Variants in CDYL2 observed in about 807,000 individuals in gnomAD.
CDYL2 encodes chromodomain Y like 2.
CDYL2 carries 23 observed loss-of-function variants against 49.4 expected under a neutral mutation model. That is an observed-to-expected ratio of 0.47 (90% CI 0.34 to 0.66). The LOEUF is 0.66. Ranked by LOEUF, CDYL2 falls within the 30% of genes least tolerant of loss-of-function variation. The probability of loss-of-function intolerance (pLI) is 0.01; values close to 1 mark genes in which losing one functional copy is unlikely to be tolerated. For synonymous variants in CDYL2, 360 were observed against 268.8 expected (o/e 1.34, Z -3.32); for missense variants, 678 against 656.4 (o/e 1.03, Z -0.36).
intron 1 of CDYL2, among the ~76,000 whole-genome samples, chr16:80,764,082 T>C (rs1469935880): frequency 6.6e-6 from 1 of 152,158 alleles, no homozygotes; most frequent in Non-Finnish European, 1.5e-5. Flanking sequence ...TTAAAGATGG[T>C]ATGATTTAAT....
At chr16:80,796,087 T>C (rs1303266961) in intron 1 of CDYL2, among the ~76,000 whole-genome samples, 1 of 152,208 alleles carries the variant, frequency 6.6e-6, no homozygotes, top group Non-Finnish European at 1.5e-5. Context: ...CAAGGAATTA[T>C]CTTACATAGT....
intron 2 of CDYL2, among the ~76,000 whole-genome samples, chr16:80,654,888 A>AATGGT (rs1908739150): frequency 6.6e-6 from 1 of 152,228 alleles, no homozygotes; most frequent in South Asian, 2.1e-4. Context: ...CGAGTGTCTA[A>AATGGT]TTACAAGGCT....
At chr16:80,693,188 A>G (rs772323360) in intron 1 of CDYL2, among the ~76,000 whole-genome samples, 3 of 152,142 alleles carry the variant, frequency 2.0e-5, no homozygotes, top group Non-Finnish European at 2.9e-5. Flanking sequence ...TTTCTGGGGA[A>G]ATGGAAATGT....
At chr16:80,707,265 C>A (rs1470661483) in intron 1 of CDYL2, among the ~76,000 whole-genome samples, 2 of 152,096 alleles carry the variant, frequency 1.3e-5, no homozygotes, top group Non-Finnish European at 2.9e-5. Flanking sequence ...GAGTTCAAGA[C>A]CAGCCTGGTC....
intron 1 of CDYL2, among the ~76,000 whole-genome samples, chr16:80,706,879 G>C (rs1904423353): frequency 6.6e-6 from 1 of 152,166 alleles, no homozygotes. Context: ...AGAAGACCTG[G>C]CTCTTCAGTT....
intron 2 of CDYL2, among the ~76,000 whole-genome samples, chr16:80,645,625 C>T (rs995702542): frequency 6.6e-6 from 1 of 152,006 alleles, no homozygotes; most frequent in African/African-American, 2.4e-5. Context: ...CCCAGCAATC[C>T]CATTACTGGG....
At chr16:80,742,339 G>A (rs1362248892) in intron 1 of CDYL2, 2 of 152,204 alleles carry the variant, frequency 1.3e-5, no homozygotes, top group African/African-American at 2.4e-5. Flanking sequence ...GGATGGGATG[G>A]ATGGATGGAC....
At chr16:80,680,344 C>T (rs1909920490) in intron 2 of CDYL2, among the ~76,000 whole-genome samples, 1 of 152,158 alleles carries the variant, frequency 6.6e-6, no homozygotes, top group African/African-American at 2.4e-5. Context: ...GACATGGGGC[C>T]ACAAGACTGG....
At chr16:80,688,466 A>G (rs1036632638) in intron 1 of CDYL2, among the ~76,000 whole-genome samples, 3 of 152,222 alleles carry the variant, frequency 2.0e-5, no homozygotes, top group Non-Finnish European at 4.4e-5. Context: ...CATCACTACA[A>G]GATGAATGGA....
intron 1 of CDYL2, among the ~76,000 whole-genome samples, chr16:80,696,110 C>T (rs563071558): frequency 6.6e-6 from 1 of 152,206 alleles, no homozygotes; most frequent in East Asian, 1.9e-4. Flanking sequence ...TGAAACTGTA[C>T]AAATAATCGA....
intron 2 of CDYL2, among the ~76,000 whole-genome samples, chr16:80,666,425 A>G (rs2873084): frequency 0.5 from 75,978 of 152,086 alleles, 20,680 homozygotes; most frequent in Middle Eastern, 0.7. Context: ...CGCAAAATAC[A>G]GAGGCTGCAG....
intron 3 of CDYL2, among the ~76,000 whole-genome samples, chr16:80,630,016 C>T (rs922819529): frequency 6.6e-6 from 1 of 152,176 alleles, no homozygotes; most frequent in Non-Finnish European, 1.5e-5. Flanking sequence ...CCCAAGGTAA[C>T]AGCATGGTAA....
At chr16:80,622,866 T>G (rs574763970) in intron 3 of CDYL2, among the ~76,000 whole-genome samples, 64 of 152,268 alleles carry the variant, frequency 4.2e-4, no homozygotes, top group African/African-American at 1.5e-3. Flanking sequence ...CATGAGCAAC[T>G]ATTTTTGGAT....
chr16:80,720,711 A>G (rs564509575), intron 1 of CDYL2, among the ~76,000 whole-genome samples: 39 of 152,302 alleles, frequency 2.6e-4, no homozygotes, highest in African/African-American at 9.1e-4. Context: ...AAATGAGTGT[A>G]GGCAGCAGCT....
At chr16:80,681,642 G>A (rs1305286945) in intron 2 of CDYL2, among the ~76,000 whole-genome samples, 1 of 152,216 alleles carries the variant, frequency 6.6e-6, no homozygotes, top group Non-Finnish European at 1.5e-5. Flanking sequence ...ACTAGAAGGT[G>A]AAAGGCTGAT....
rs1361248144 is a variant in CDYL2 at position 80,754,934 on chromosome 16, C to T, written c.24+49216G>A. The stretch of plus-strand genomic sequence containing the variant: ...TTCAATGAGATGCCCCCATGATTTA[C>T]GAGGGGAAATATCATTAGGATTTCA... On this transcript the variant is annotated intron_variant, in intron 1 of 6. Transcript: ENST00000570137. Among the ~76,000 whole-genome samples the T allele has an allele frequency of 6.6e-5, 10 of 152,160 alleles. No individual in the cohort carries two copies. The East Asian group carries it at 1.7e-3, about 27-fold the overall frequency.
chr16:80,736,200 A>G (rs2142545608), intron 1 of CDYL2, among the ~76,000 whole-genome samples: 1 of 152,314 alleles, frequency 6.6e-6, no homozygotes, highest in African/African-American at 2.4e-5. Flanking sequence ...ACACATCCCC[A>G]CCATCAATAC....
intron 2 of CDYL2, among the ~76,000 whole-genome samples, chr16:80,680,900 G>C (rs959460721): frequency 6.6e-6 from 1 of 152,058 alleles, no homozygotes; most frequent in African/African-American, 2.4e-5. Context: ...GTTTTAACAA[G>C]CTCCCCAAGA....
At chr16:80,663,043 A>G (rs1020889652) in intron 2 of CDYL2, among the ~76,000 whole-genome samples, 1 of 149,296 alleles carries the variant, frequency 6.7e-6, no homozygotes, top group African/African-American at 2.4e-5. Flanking sequence ...CCTCTTGATC[A>G]AAAGACATAG....
Sources: gnomAD v4.1 joint callset for allele counts (sites outside exome capture counted in the v4.1 genomes callset) on GRCh38, gnomAD v4.1.1 for gene constraint, MANE v1.5 for transcripts, NCBI Gene and HGNC (gene_info 2026-07-23, HGNC 2026-07-21) for gene names.